Variants in RPTOR observed in about 807,000 individuals in gnomAD.
RPTOR encodes the protein regulatory associated protein of MTOR complex 1.
In RPTOR, 21 loss-of-function variants were observed where a neutral mutation model predicts 169.9. That is an observed-to-expected ratio of 0.12 (90% CI 0.09 to 0.18). RPTOR has a LOEUF of 0.18. Ranked by LOEUF, RPTOR falls within the 10% of genes least tolerant of loss-of-function variation. The pLI, the probability that RPTOR is intolerant of heterozygous loss-of-function variation, is 1.00. For missense variants in RPTOR, 1,133 were observed against 1,855.9 expected, an observed-to-expected ratio of 0.61 and a Z score of 7.16; for synonymous variants, 732 against 753.2, an observed-to-expected ratio of 0.97 and a Z score of 0.46.
chr17:80,750,885 T>C (rs2066623884), intron 5 of RPTOR, among the ~76,000 whole-genome samples: 1 of 152,142 alleles, frequency 6.6e-6, no homozygotes, highest in African/African-American at 2.4e-5. Context: ...ACAGTTAACA[T>C]GGCAAATTTT....
chr17:80,790,855 G>A (rs1027958541), intron 6 of RPTOR, among the ~76,000 whole-genome samples: 4 of 152,196 alleles, frequency 2.6e-5, no homozygotes, highest in African/African-American at 9.7e-5. Context: ...TCTGCCCACT[G>A]TATGCCAGTA....
chr17:80,947,057 T>C lies in RPTOR; in HGVS notation c.3141-170T>C, dbSNP rs970278151. ...GTCTTGAACTCCCAGGCTCCAACAG[T>C]CCTCCTGCTTCAGCCTCCCAAGTAG... On this transcript the variant is annotated intron_variant, in intron 26 of 33. Coordinates refer to ENST00000306801, the MANE Select transcript of RPTOR (RefSeq NM_020761.3). The surrounding 1 kb of genome is among the most constrained non-coding windows in gnomAD (Gnocchi z 4.4). Among the ~76,000 whole-genome samples, 3 of 152,216 alleles carry C rather than the reference T, an allele frequency of 2.0e-5. No individual in the cohort carries two copies. The highest frequency in any genetic ancestry group is 7.2e-5 in the African/African-American group (3 of 41,458).
chr17:80,717,158 C>T (rs2143140041), intron 4 of RPTOR, among the ~76,000 whole-genome samples: 2 of 152,198 alleles, frequency 1.3e-5, no homozygotes, highest in South Asian at 4.1e-4. Context: ...GATATTTTTA[C>T]TGAAATGTCA....
At chr17:80,554,758 CA>C (rs1219391629) in intron 1 of RPTOR, among the ~76,000 whole-genome samples, 36 of 125,286 alleles carry the variant, frequency 2.9e-4, no homozygotes, top group Admixed American at 1.0e-3. Context: ...CAAAACAAAA[CA>C]AAACAAAACA....
At chr17:80,589,741 C>T (rs4890051) in intron 1 of RPTOR, among the ~76,000 whole-genome samples, 150,420 of 152,364 alleles carry the variant, frequency 0.99, 74,264 homozygotes, top group East Asian at 1. Flanking sequence ...ATACAGTTTT[C>T]GTTTTGTTTT....
intron 3 of RPTOR, among the ~76,000 whole-genome samples, chr17:80,644,875 T>C (rs966092501): frequency 5.3e-5 from 8 of 152,182 alleles, no homozygotes; most frequent in African/African-American, 1.9e-4. Context: ...TGTCTTAGGG[T>C]GTACCTTTGT....
At position 80,708,075 on chromosome 17, in the gene RPTOR, C is replaced by T; in HGVS notation, c.507+76C>T. 7 of 1,396,084 alleles carry T rather than the reference C, an allele frequency of 5.0e-6. No homozygotes were observed. Among genetic ancestry groups the T allele is most frequent in the Non-Finnish European group, 5.9e-6 (6 of 1,019,956 alleles). The allele number at this position is 1,396,084 out of a possible 1,614,324, so 86.5% of individuals were successfully genotyped here. A position where few individuals can be genotyped will look rare whatever the true frequency, so the allele number is the denominator to read the frequency against. The stretch of plus-strand genomic sequence containing the variant: ...TTGCGGTGGTCGGAGCAGGTCCTGC[C>T]CATCCGTAGCTTCTGTTAAGCCATT... On this transcript the variant is annotated intron_variant, in intron 4 of 33. Transcript: ENST00000306801. This position sits in a 1 kb window ranked among gnomAD's most constrained non-coding sequence, Gnocchi z 4.2.
At chr17:80,593,450 G>A (rs1361620261) in intron 1 of RPTOR, 2 of 154,948 alleles carry the variant, frequency 1.3e-5, no homozygotes, top group South Asian at 4.1e-4. Flanking sequence ...TCAAGCACCA[G>A]CTAGGACAGA....
chr17:80,562,620 C>T lies in RPTOR; in HGVS notation c.162+16829C>T, dbSNP rs1029634505. 6.6e-6 allele frequency among the ~76,000 whole-genome samples: 1 copy of T among 152,174 alleles called. No homozygotes were observed. The highest frequency in any genetic ancestry group is 2.4e-5 in the African/African-American group (1 of 41,452). The stretch of plus-strand genomic sequence containing the variant: ...CCAACATGGCGAAACCCCGTCTCTA[C>T]TAAAAATACAGGAATTATCTGGGTG... On this transcript the variant is annotated intron_variant, in intron 1 of 33. Coordinates refer to ENST00000306801, the MANE Select transcript of RPTOR (RefSeq NM_020761.3). This position sits in a 1 kb window ranked among gnomAD's most constrained non-coding sequence, Gnocchi z 4.4.
At position 80,788,112 on chromosome 17, in the gene RPTOR, T is replaced by C. The variant is rs372915454; in HGVS notation, c.831-3338T>C. ...GCCTCTGAGAGTATTTTTGTCATGC[T>C]CACACATTTGAATGACAGTTTGGCT... On this transcript the variant is annotated intron_variant, in intron 6 of 33. Coordinates refer to ENST00000306801, the MANE Select transcript of RPTOR (RefSeq NM_020761.3). Among the ~76,000 whole-genome samples the C allele has an allele frequency of 6.6e-5, 10 of 152,300 alleles. No homozygotes were observed. In the South Asian group the frequency reaches 2.1e-3, roughly 32 times the overall value.
intron 2 of RPTOR, among the ~76,000 whole-genome samples, chr17:80,635,081 A>G (rs544799368): frequency 3.4e-4 from 51 of 152,086 alleles, no homozygotes; most frequent in Non-Finnish European, 6.5e-4. Context: ...CAACCTTGGT[A>G]TCCTTTGTCC....
chr17:80,959,348 C>T lies in RPTOR; in HGVS notation c.3478-730C>T, dbSNP rs2069303186. Among the ~76,000 whole-genome samples the T allele has an allele frequency of 6.6e-6, 1 of 152,140 alleles. No homozygotes were observed. The highest frequency in any genetic ancestry group is 1.9e-4 in the East Asian group (1 of 5,190). On this transcript the variant is annotated intron_variant, in intron 29 of 33. Coordinates refer to ENST00000306801, the MANE Select transcript of RPTOR (RefSeq NM_020761.3). The surrounding 1 kb of genome is among the most constrained non-coding windows in gnomAD (Gnocchi z 6.7). ...GGGGCTTAGAGGCCCAGGTGGCCTG[C>T]GGGGCAGGTGCTGTTCCTGCAGAGG...
intron 20 of RPTOR, among the ~76,000 whole-genome samples, chr17:80,899,950 C>T (rs7222184): frequency 0.72 from 109,271 of 152,072 alleles, 39,807 homozygotes; most frequent in Admixed American, 0.78. Context: ...TTGGGATTCT[C>T]CCACGGATTG....
Position 80,860,984 on chromosome 17 carries a change from G to T in RPTOR, c.1509+3084G>T, listed in dbSNP as rs1490066573. On this transcript the variant is annotated intron_variant, in intron 13 of 33. Coordinates refer to ENST00000306801, the MANE Select transcript of RPTOR (RefSeq NM_020761.3). This position sits in a 1 kb window ranked among gnomAD's most constrained non-coding sequence, Gnocchi z 5.8. ...TCAGTTCAACCTTGAACCCTCCTGG[G>T]CCCAGTGCTCTGCACCTGGCTGTGA... 1.7e-5 allele frequency among the ~76,000 whole-genome samples: 2 copies of T among 115,760 alleles called. No homozygotes were observed. Among genetic ancestry groups the T allele is most frequent in the Non-Finnish European group, 4.3e-5 (2 of 46,912 alleles). The allele number at this position is 115,760 out of a possible 152,430, so 75.9% of individuals were successfully genotyped here.
rs997102358 is a variant in RPTOR at position 80,672,265 on chromosome 17, C to T, written c.348+28455C>T. 2.0e-5 allele frequency among the ~76,000 whole-genome samples: 3 copies of T among 151,954 alleles called. No homozygotes were observed. In the South Asian group the frequency reaches 6.2e-4, roughly 32 times the overall value. On this transcript the variant is annotated intron_variant, in intron 3 of 33. Transcript: ENST00000306801. Reference sequence around the variant, plus strand: ...TAACTCAAATTAAAGTTTGTTCACTCACATTAAGATTCCCTAGAAGTAGTC... The same window carrying T: ...TAACTCAAATTAAAGTTTGTTCACTTACATTAAGATTCCCTAGAAGTAGTC...
At chr17:80,744,770 CACTGT>C (rs1598275112) in intron 5 of RPTOR, among the ~76,000 whole-genome samples, 5 of 86,774 alleles carry the variant, frequency 5.8e-5, no homozygotes, top group Admixed American at 8.9e-5. Context: ...TGGCTACTAG[CACTGT>C]CCTGGCTACT....
At chr17:80,735,639 G>A (rs993831513) in intron 5 of RPTOR, among the ~76,000 whole-genome samples, 4 of 152,164 alleles carry the variant, frequency 2.6e-5, no homozygotes, top group African/African-American at 7.2e-5. Context: ...ATCTAGGCGA[G>A]TTTCTCCTCT....
intron 3 of RPTOR, among the ~76,000 whole-genome samples, chr17:80,686,602 T>C (rs535013600): frequency 6.6e-6 from 1 of 152,272 alleles, no homozygotes; most frequent in Non-Finnish European, 1.5e-5. Context: ...CACTTCTTAC[T>C]GCATAATTCA....
At chr17:80,798,050 G>A (rs1009964096) in intron 7 of RPTOR, among the ~76,000 whole-genome samples, 2 of 152,218 alleles carry the variant, frequency 1.3e-5, no homozygotes, top group African/African-American at 4.8e-5. Context: ...TGTCAGCCAT[G>A]TTTGTGATGT....
Sources: allele counts gnomAD v4.1 joint callset (sites outside exome capture counted in the v4.1 genomes callset), GRCh38; gene constraint gnomAD v4.1.1; non-coding constraint Gnocchi (gnomAD v3.1); transcripts MANE v1.5; gene names NCBI Gene and HGNC (gene_info 2026-07-23, HGNC 2026-07-21).